The following AGBL4 variants were observed in gnomAD, a reference collection of about 807,000 sequenced individuals.
AGBL4 encodes the protein cytosolic carboxypeptidase 6.
Under a neutral mutation model 66.4 loss-of-function variants are expected in AGBL4, and 58 were observed. The ratio of observed to expected loss-of-function variants is 0.87; its 90% confidence interval spans 0.71 to 1.09. AGBL4 has a LOEUF of 1.09. Ranked by LOEUF, AGBL4 falls within the 50% of genes least tolerant of loss-of-function variation. The probability of loss-of-function intolerance (pLI) is 0.00; values close to 1 mark genes in which losing one functional copy is unlikely to be tolerated. For synonymous variants in AGBL4, 234 were observed against 222.9 expected (o/e 1.05, Z -0.44); for missense variants, 579 against 631.0 (o/e 0.92, Z 0.88).
At chr1:49,801,529 CAAAT>C (rs1644860820) in intron 2 of AGBL4, among the ~76,000 whole-genome samples, 1 of 152,072 alleles carries the variant, frequency 6.6e-6, no homozygotes, top group African/African-American at 2.4e-5. Context: ...AGAAACAAGA[CAAAT>C]AGATTTGTAA....
intron 4 of AGBL4, chr1:49,175,031 A>G (rs1329159559): frequency 6.6e-6 from 1 of 152,148 alleles, no homozygotes; most frequent in African/African-American, 2.4e-5. Context: ...ATCCAAAAAG[A>G]AACCAAAAAT....
chr1:48,990,932 G>T (rs577384435), intron 5 of AGBL4, among the ~76,000 whole-genome samples: 1 of 151,988 alleles, frequency 6.6e-6, no homozygotes, highest in Non-Finnish European at 1.5e-5. Context: ...TATATGTCTT[G>T]AAAAGTTGTA....
intron 3 of AGBL4, among the ~76,000 whole-genome samples, chr1:49,601,374 T>C (rs1644954891): frequency 6.6e-6 from 1 of 152,056 alleles, no homozygotes; most frequent in Non-Finnish European, 1.5e-5. Context: ...TTTATTTCAT[T>C]AAGTTGATCT....
chr1:49,588,367 G>A (rs904203320), intron 3 of AGBL4, among the ~76,000 whole-genome samples: 2 of 152,126 alleles, frequency 1.3e-5, no homozygotes, highest in African/African-American at 4.8e-5. Context: ...GACTGAATCC[G>A]TCTCATTCAT....
intron 6 of AGBL4, among the ~76,000 whole-genome samples, chr1:48,701,457 C>T (rs320038): frequency 0.91 from 136,638 of 149,456 alleles, 63,350 homozygotes; most frequent in East Asian, 1. Flanking sequence ...TTTTTCTTTT[C>T]CTTTTTTTTT....
chr1:49,718,287 T>C (rs186059274), intron 2 of AGBL4, among the ~76,000 whole-genome samples: 29 of 152,126 alleles, frequency 1.9e-4, no homozygotes, highest in Admixed American at 1.6e-3. Flanking sequence ...ACCATTTCTC[T>C]CTCTTTGGCT....
At chr1:48,809,865 C>G (rs1302070013) in intron 6 of AGBL4, among the ~76,000 whole-genome samples, 1 of 152,144 alleles carries the variant, frequency 6.6e-6, no homozygotes, top group Non-Finnish European at 1.5e-5. Context: ...TCAAATATTC[C>G]TCAAATTCAC....
intron 4 of AGBL4, among the ~76,000 whole-genome samples, chr1:49,216,578 G>T (rs2148267550): frequency 6.6e-6 from 1 of 152,220 alleles, no homozygotes; most frequent in South Asian, 2.1e-4. Context: ...TTGCTGCACA[G>T]GGCATGTGTT....
intron 1 of AGBL4, among the ~76,000 whole-genome samples, chr1:49,932,046 A>G (rs749221184): frequency 7.2e-5 from 11 of 152,206 alleles, no homozygotes; most frequent in Non-Finnish European, 1.5e-4. Flanking sequence ...ATCAACTGGT[A>G]ACTATAATGG....
intron 3 of AGBL4, among the ~76,000 whole-genome samples, chr1:49,573,075 G>C (rs1162755525): frequency 3.3e-5 from 5 of 151,762 alleles, no homozygotes; most frequent in African/African-American, 1.2e-4. Flanking sequence ...GTTATTATGG[G>C]ACCTTGTGAT....
intron 3 of AGBL4, among the ~76,000 whole-genome samples, chr1:49,643,386 C>G (rs1645822670): frequency 6.6e-6 from 1 of 150,782 alleles, no homozygotes. Context: ...ATAGAGTTCA[C>G]AAAGGAAATG....
At chr1:49,744,530 C>T (rs1650834111) in intron 2 of AGBL4, among the ~76,000 whole-genome samples, 1 of 143,798 alleles carries the variant, frequency 7.0e-6, no homozygotes, top group African/African-American at 3.0e-5. Flanking sequence ...ATCAAACCTA[C>T]AAAAAATACT....
At chr1:49,757,364 G>A (rs1651967545) in intron 2 of AGBL4, among the ~76,000 whole-genome samples, 1 of 152,172 alleles carries the variant, frequency 6.6e-6, no homozygotes, top group Admixed American at 6.5e-5. Flanking sequence ...AGAGAGTGGG[G>A]TACTGCTATA....
intron 1 of AGBL4, among the ~76,000 whole-genome samples, chr1:49,997,723 G>A (rs1437135083): frequency 2.0e-5 from 3 of 152,122 alleles, no homozygotes; most frequent in African/African-American, 4.8e-5. Context: ...GATATTTACA[G>A]AACATTCTAC....
chr1:48,561,649 A>G (rs1644398752), intron 11 of AGBL4, among the ~76,000 whole-genome samples: 2 of 152,250 alleles, frequency 1.3e-5, no homozygotes, highest in Admixed American at 1.3e-4. Context: ...GGCCTCATCC[A>G]ATCAGTTGAA....
At chr1:48,664,472 C>A (rs985476114) in intron 6 of AGBL4, among the ~76,000 whole-genome samples, 3 of 152,102 alleles carry the variant, frequency 2.0e-5, no homozygotes, top group South Asian at 2.1e-4. Context: ...TACTCTAGAC[C>A]ACCACATTCA....
chr1:48,617,712 C>T (rs1041652539), intron 9 of AGBL4, among the ~76,000 whole-genome samples: 2 of 152,090 alleles, frequency 1.3e-5, no homozygotes, highest in African/African-American at 2.4e-5. Flanking sequence ...TGTGGCCTTC[C>T]GTCTGCCACT....
rs759276011 is a variant in AGBL4 at position 48,534,061 on chromosome 1, G to C, written c.*112C>G. 4.1e-6 allele frequency: 6 copies of C among 1,471,306 alleles called. No individual in the cohort carries two copies. In the African/African-American group the frequency reaches 8.4e-5, roughly 21 times the overall value. The allele number at this position is 1,471,306 out of a possible 1,614,324, so 91.1% of individuals were successfully genotyped here. On this transcript the variant is annotated 3_prime_UTR_variant, in exon 14 of 14. Transcript: ENST00000371839. ...TCATTGTATCCCTTCCCTTTCACTA[G>C]CCTATGCATTAATCCACAAATCCTT...
chr1:49,235,732 A>G (rs1399912721), intron 4 of AGBL4, among the ~76,000 whole-genome samples: 2 of 152,178 alleles, frequency 1.3e-5, no homozygotes, highest in Non-Finnish European at 2.9e-5. Context: ...GATGGCCTAC[A>G]TCTTCCCTGG....
Sources: allele counts gnomAD v4.1 joint callset (sites outside exome capture counted in the v4.1 genomes callset), GRCh38; gene constraint gnomAD v4.1.1; transcripts MANE v1.5; gene names NCBI Gene and HGNC (gene_info 2026-07-23, HGNC 2026-07-21).